PAQR4: variants seen among roughly 807,000 people sequenced by gnomAD.
The protein encoded by PAQR4 is progestin and adipoQ receptor family member 4.
PAQR4 carries 26 observed loss-of-function variants against 20.9 expected under a neutral mutation model. The observed-to-expected ratio is 1.24, with a 90% CI of 0.91 to 1.73. The LOEUF is 1.73. Ranked by LOEUF, PAQR4 falls within the 40% of genes most tolerant of loss-of-function variation. The probability of loss-of-function intolerance (pLI) is 0.00; values close to 1 mark genes in which losing one functional copy is unlikely to be tolerated. For synonymous variants in PAQR4, 193 were observed against 171.6 expected (o/e 1.12, Z -0.97); for missense variants, 400 against 380.1 (o/e 1.05, Z -0.44).
Position 2,973,037 on chromosome 16 carries a change from G to A in PAQR4, c.*1089G>A, listed in dbSNP as rs757282275. Reference sequence around the variant, plus strand: ...GGAAGGAGCCCCGAGGAGGCTCTGAGTTGATGTCACTTAGGTCCAGGGCAT... The same window carrying A: ...GGAAGGAGCCCCGAGGAGGCTCTGAATTGATGTCACTTAGGTCCAGGGCAT... On this transcript the variant is annotated 3_prime_UTR_variant, in exon 3 of 3. Transcript: ENST00000318782. The A allele has an allele frequency of 2.2e-5, 35 of 1,608,722 alleles. 3 individuals carry two copies. The South Asian group carries it at 3.4e-4, about 15-fold the overall frequency.
At position 2,972,571 on chromosome 16, in the gene PAQR4, G is replaced by A; in HGVS notation, c.*623G>A. ...GGAGCTCAGCGGCCTCAGATCCTGGGACCCCTGGGCCGTGCCTGCCCTCCA... is the reference window on the plus strand; with the variant it reads ...GGAGCTCAGCGGCCTCAGATCCTGGAACCCCTGGGCCGTGCCTGCCCTCCA... On this transcript the variant is annotated 3_prime_UTR_variant, in exon 3 of 3. Transcript: ENST00000318782. The A allele has an allele frequency of 2.7e-6, 4 of 1,500,822 alleles. No homozygotes were observed. Among genetic ancestry groups the A allele is most frequent in the African/African-American group, 1.4e-5 (1 of 71,734 alleles). The allele number at this position is 1,500,822 out of a possible 1,614,324, so 93.0% of individuals were successfully genotyped here.
At chr16:2,969,980 C>T in intron 1 of PAQR4, 140 bp downstream of exon 1, 1 of 1,156,830 alleles carries the variant, frequency 8.6e-7, no homozygotes, top group Non-Finnish European at 1.2e-6. Context: ...GCCGCGGTGA[C>T]AAAGCTGCCA....
In PAQR4 at chr16:2,973,195, G is replaced by T. The variant is rs367908024; in HGVS notation, c.*1247G>T. The T allele has an allele frequency of 7.4e-5, 112 of 1,514,662 alleles. No individual in the cohort carries two copies. Among genetic ancestry groups the T allele is most frequent in the Non-Finnish European group, 9.1e-5 (103 of 1,127,738 alleles). The allele number at this position is 1,514,662 out of a possible 1,614,324, so 93.8% of individuals were successfully genotyped here. A position where few individuals can be genotyped will look rare whatever the true frequency, so the allele number is the denominator to read the frequency against. On this transcript the variant is annotated 3_prime_UTR_variant, in exon 3 of 3. Transcript: ENST00000318782. ...GCTCCCCACAGTCCGGGCCAGGACA[G>T]CCTCAGGGGAGAGTGAAGGCCTGCA...
At position 2,969,849 on chromosome 16, in the gene PAQR4, C is replaced by T; in HGVS notation, c.166+9C>T. 1 of 1,608,540 alleles carries T rather than the reference C, an allele frequency of 6.2e-7. No individual in the cohort carries two copies. Among genetic ancestry groups the T allele is most frequent in the Non-Finnish European group, 8.5e-7 (1 of 1,178,126 alleles). On this transcript the variant is annotated intron_variant, in intron 1 of 2. Coordinates refer to ENST00000318782, the MANE Select transcript of PAQR4 (RefSeq NM_152341.5). ...CAACATCTACACGCACGGTGAGCCG[C>T]GTCCCGCAACGCGCTTCCCACACCC...
At chr16:2,970,576 G>C (rs1319049190) in intron 1 of PAQR4, among the ~76,000 whole-genome samples, 1 of 152,220 alleles carries the variant, frequency 6.6e-6, no homozygotes, top group African/African-American at 2.4e-5. Context: ...GGGGAGATGG[G>C]ACAAGCCCCT....
Position 2,969,806 on chromosome 16 carries a change from C to T in PAQR4, c.132C>T (p.Tyr44=), listed in dbSNP as rs778916951. 4 of 1,611,038 alleles carry T rather than the reference C, an allele frequency of 2.5e-6. No individual in the cohort carries two copies. The highest frequency in any genetic ancestry group is 1.3e-5 in the African/African-American group (1 of 74,762). The change falls in exon 1 of 3, where the codon TAC becomes TAT. Residue 44 remains tyrosine, a synonymous_variant. Coordinates refer to ENST00000318782, the MANE Select transcript of PAQR4 (RefSeq NM_152341.5). ...CGGGCTGCCTGCGCAGCCTCTTCTA[C>T]CTGCACAACGAACTGGGCAACATCT... ...SGSGCLRSLF[Y]LHNELGNIYT...
chr16:2,971,437 G>C, intron 2 of PAQR4, 59 bp downstream of exon 2: 1 of 1,582,592 alleles, frequency 6.3e-7, no homozygotes, highest in Non-Finnish European at 8.6e-7. Context: ...CATGGGGCAC[G>C]CATACAAGCC....
intron 1 of PAQR4, 86 bp downstream of exon 1, chr16:2,969,926 C>T (rs2071935489): frequency 6.4e-7 from 1 of 1,557,944 alleles, no homozygotes; most frequent in African/African-American, 1.4e-5. Flanking sequence ...AGGAGGGCCC[C>T]AGCGCCCAAG....
chr16:2,971,151 C>G lies in PAQR4; in HGVS notation c.167-6C>G. 1 of 1,612,820 alleles carries G rather than the reference C, an allele frequency of 6.2e-7. No homozygotes were observed. Among genetic ancestry groups the G allele is most frequent in the Non-Finnish European group, 8.5e-7 (1 of 1,179,684 alleles). ...CTATCTGGTAGATGACTGTCTCCCTCCCTAGGGCTGGCCCTGCTGGGCTTC... is the reference window on the plus strand; with the variant it reads ...CTATCTGGTAGATGACTGTCTCCCTGCCTAGGGCTGGCCCTGCTGGGCTTC... On this transcript the variant is annotated splice_polypyrimidine_tract_variant and splice_region_variant and intron_variant, in intron 1 of 2. Coordinates refer to ENST00000318782, the MANE Select transcript of PAQR4 (RefSeq NM_152341.5).
intron 1 of PAQR4, among the ~76,000 whole-genome samples, chr16:2,970,812 G>A (rs574458155): frequency 6.6e-6 from 1 of 152,372 alleles, no homozygotes; most frequent in South Asian, 2.1e-4. Context: ...CCTGTGACCT[G>A]CTTGTATGGG....
In PAQR4 at chr16:2,971,598, G is replaced by T; in HGVS notation, c.472G>T (p.Gly158Cys). Residue 158 changes from glycine to cysteine, a missense_variant, in exon 3 of 3, where the codon GGT (glycine) becomes TGT (cysteine). Transcript: ENST00000318782. ...CCTGGTGGGCTACACTGTGTTGTCGGGTGTGGCCGGCTGGCGTGCTCTCAC... is the reference window on the plus strand; with the variant it reads ...CCTGGTGGGCTACACTGTGTTGTCGTGTGTGGCCGGCTGGCGTGCTCTCAC... The part of the protein sequence containing the change: ...AALVGYTVLS[G>C]VAGWRALTAP... 6.2e-7 allele frequency: 1 copy of T among 1,602,600 alleles called. No individual in the cohort carries two copies.
chr16:2,973,415 G>T lies in PAQR4; in HGVS notation c.*1467G>T, dbSNP rs1236464125. 1 of 1,534,074 alleles carries T rather than the reference G, an allele frequency of 6.5e-7. No homozygotes were observed. On this transcript the variant is annotated 3_prime_UTR_variant, in exon 3 of 3. Coordinates refer to ENST00000318782, the MANE Select transcript of PAQR4 (RefSeq NM_152341.5). Reference sequence around the variant, plus strand: ...GTCCTTCCATCTGGCTGCACTCCAAGGCCCCCTCTGTCCTTTTCAGAACAC... The same window carrying T: ...GTCCTTCCATCTGGCTGCACTCCAATGCCCCCTCTGTCCTTTTCAGAACAC...
At position 2,969,479 on chromosome 16, in the gene PAQR4, C is replaced by T; in HGVS notation, c.-196C>T. On this transcript the variant is annotated 5_prime_UTR_variant, in exon 1 of 3. In the 5' UTR this introduces an upstream ATG that the reference lacks. Transcript: ENST00000318782. ...AGCCTCCGCCCCGGCGCGGGGGCGA[C>T]GGACTCGCGCGTGCGCAGCGCCGGA... The T allele has an allele frequency of 2.6e-6, 1 of 381,708 alleles. No individual in the cohort carries two copies. The highest frequency in any genetic ancestry group is 4.2e-6 in the Non-Finnish European group (1 of 238,414). 23.6% of individuals were successfully genotyped at this position (381,708 alleles called of 1,614,324 possible).
Position 2,971,679 on chromosome 16 carries a change from CT to C in PAQR4, c.554del (p.Leu185HisfsTer35). 6.2e-7 allele frequency: 1 copy of C among 1,611,954 alleles called. No homozygotes were observed. Among genetic ancestry groups the C allele is most frequent in the Non-Finnish European group, 8.5e-7 (1 of 1,179,870 alleles). On this transcript the variant is annotated frameshift_variant, in exon 3 of 3. Transcript: ENST00000318782. LOFTEE classifies it high-confidence loss of function. ...ATTTGGATGGCAGGCTGCTGCCCGC[CT>C]ACTGGTATTTGGGGCCCGGGGAGTG... ...RAFGWQAAAR[L>X]LVFGARGVGL...
rs1039515885 is a variant in PAQR4, at chr16:2,972,163, T to C, written c.*215T>C. On this transcript the variant is annotated 3_prime_UTR_variant, in exon 3 of 3. Transcript: ENST00000318782. ...TCCCTGCCTTTTCCCTCCAAGCTCCTATTTTACTGTGTCAGCTGGAAGGAA... is the reference window on the plus strand; with the variant it reads ...TCCCTGCCTTTTCCCTCCAAGCTCCCATTTTACTGTGTCAGCTGGAAGGAA... The C allele has an allele frequency of 1.7e-6, 1 of 575,352 alleles. No individual in the cohort carries two copies. Among genetic ancestry groups the C allele is most frequent in the African/African-American group, 1.9e-5 (1 of 53,358 alleles). 35.6% of individuals were successfully genotyped at this position (575,352 alleles called of 1,614,324 possible). A position where few individuals can be genotyped will look rare whatever the true frequency, so the allele number is the denominator to read the frequency against.
chr16:2,972,468 A>AG lies in PAQR4; in HGVS notation c.*525dup. 3 of 723,194 alleles carry AG rather than the reference A, an allele frequency of 4.1e-6. No homozygotes were observed. Among genetic ancestry groups the AG allele is most frequent in the Non-Finnish European group, 6.7e-6 (3 of 450,432 alleles). The allele number at this position is 723,194 out of a possible 1,614,324, so 44.8% of individuals were successfully genotyped here. A position where few individuals can be genotyped will look rare whatever the true frequency, so the allele number is the denominator to read the frequency against. On this transcript the variant is annotated 3_prime_UTR_variant, in exon 3 of 3. Transcript: ENST00000318782. ...TAAGGCATTCAGGACAAAAGGACCAAGGGGGCGTGGACCCGTCTTGTACCA... is the reference window on the plus strand; with the variant it reads ...TAAGGCATTCAGGACAAAAGGACCAAGGGGGGCGTGGACCCGTCTTGTACCA...
chr16:2,973,436 A>C lies in PAQR4; in HGVS notation c.*1488A>C, dbSNP rs761374073. 2.3e-5 allele frequency: 35 copies of C among 1,530,058 alleles called. No homozygotes were observed. Among genetic ancestry groups the C allele is most frequent in the Non-Finnish European group, 3.0e-5 (34 of 1,143,236 alleles). The allele number at this position is 1,530,058 out of a possible 1,614,324, so 94.8% of individuals were successfully genotyped here. On this transcript the variant is annotated 3_prime_UTR_variant, in exon 3 of 3. Transcript: ENST00000318782. ...CCAAGGCCCCCTCTGTCCTTTTCAG[A>C]ACACATGGACTTGGAGGCAGATTTG...
At chr16:2,970,622 C>T (rs1339540828) in intron 1 of PAQR4, among the ~76,000 whole-genome samples, 1 of 152,180 alleles carries the variant, frequency 6.6e-6, no homozygotes, top group East Asian at 1.9e-4. Flanking sequence ...ACTTGTCTTC[C>T]CCCACCTGGC....
At chr16:2,970,980 T>A (rs1054917506) in intron 1 of PAQR4, 177 bp from the exon 2 acceptor site, 19 of 628,494 alleles carry the variant, frequency 3.0e-5, no homozygotes, top group East Asian at 2.2e-4. Context: ...TGAGCCATGA[T>A]AAGTAACCAG....
Sources: gnomAD v4.1 joint callset for allele counts (sites outside exome capture counted in the v4.1 genomes callset) on GRCh38, gnomAD v4.1.1 for gene constraint, MANE v1.5 for transcripts, NCBI Gene and HGNC (gene_info 2026-07-23, HGNC 2026-07-21) for gene names.